SULT2B1: variants seen among roughly 807,000 people sequenced by gnomAD.
The protein encoded by SULT2B1 is sulfotransferase family 2B member 1, also known as sulfotransferase 2B1.
A neutral mutation model predicts 33.2 loss-of-function variants in SULT2B1; 16 were observed. The observed-to-expected ratio is 0.48, with a 90% CI of 0.33 to 0.73. SULT2B1 has a LOEUF of 0.73. Ranked by LOEUF, SULT2B1 falls within the 30% of genes least tolerant of loss-of-function variation. The pLI is 0.02. For synonymous variants in SULT2B1, 186 were observed against 200.5 expected, an observed-to-expected ratio of 0.93 and a Z score of 0.61; for missense variants, 500 against 506.0, an observed-to-expected ratio of 0.99 and a Z score of 0.11.
At chr19:48,591,213 T>C (rs78298080) in intron 3 of SULT2B1, 11,984 of 155,900 alleles carry the variant, frequency 0.077, 488 homozygotes, top group African/African-American at 0.085. Context: ...TGTGTGGGGC[T>C]CTGGGCTAAG....
intron 3 of SULT2B1, chr19:48,591,374 C>T: frequency 2.8e-6 from 1 of 359,450 alleles, no homozygotes. Context: ...AGGAGGCTGA[C>T]ACAGGAGAAT....
At chr19:48,592,910 G>C in intron 5 of SULT2B1, 94 bp downstream of exon 5, 1 of 1,076,886 alleles carries the variant, frequency 9.3e-7, no homozygotes, top group Non-Finnish European at 1.4e-6. Context: ...GGACCCCTCC[G>C]CTTCCCCATG....
Position 48,594,127 on chromosome 19 carries a change from G to A in SULT2B1, c.645+1311G>A, listed in dbSNP as rs558354066. ...TACAAAAAAATTAGGCGGCCATGGT[G>A]GCGGGCGCCTGTAGCCCCAGCTACT... On this transcript the variant is annotated intron_variant, in intron 5 of 6. Coordinates refer to ENST00000201586, the MANE Select transcript of SULT2B1 (RefSeq NM_177973.2). Among the ~76,000 whole-genome samples, 10 of 151,984 alleles carry A rather than the reference G, an allele frequency of 6.6e-5. No individual in the cohort carries two copies. The South Asian group carries it at 1.2e-3, about 19-fold the overall frequency.
intron 2 of SULT2B1, among the ~76,000 whole-genome samples, chr19:48,585,174 T>C (rs1973546242): frequency 1.3e-5 from 2 of 151,272 alleles, no homozygotes; most frequent in African/African-American, 2.4e-5. Context: ...ACTGCAACAG[T>C]GCACACCAGC....
At chr19:48,577,629 G>C (rs893250744) in intron 2 of SULT2B1, among the ~76,000 whole-genome samples, 16 of 152,106 alleles carry the variant, frequency 1.1e-4, no homozygotes, top group African/African-American at 3.9e-4. Flanking sequence ...CTCCCAAAGT[G>C]CTGCGATTAC....
intron 1 of SULT2B1, among the ~76,000 whole-genome samples, chr19:48,566,934 T>C (rs1443074511): frequency 6.6e-6 from 1 of 151,230 alleles, no homozygotes; most frequent in Non-Finnish European, 1.5e-5. Flanking sequence ...ACCTGGGAGG[T>C]GCTAGTTGCA....
At position 48,552,340 on chromosome 19, in the gene SULT2B1, G is replaced by C. The variant is rs1012452945; in HGVS notation, c.71+17G>C. 3 of 1,613,336 alleles carry C rather than the reference G, an allele frequency of 1.9e-6. No individual in the cohort carries two copies. In the African/African-American group the frequency reaches 4.0e-5, roughly 22 times the overall value. ...GGAAATCAGGTGAGGCCCAGACCTG[G>C]GCAGGAGCCAGGAGATCCCAGGGAG... On this transcript the variant is annotated intron_variant, in intron 1 of 6. Transcript: ENST00000201586. This position sits in a 1 kb window ranked among gnomAD's most constrained non-coding sequence, Gnocchi z 4.8.
chr19:48,563,035 C>A (rs9789261), intron 1 of SULT2B1, among the ~76,000 whole-genome samples: 1 of 151,758 alleles, frequency 6.6e-6, no homozygotes, highest in South Asian at 2.1e-4. Context: ...AAAAGTTAAG[C>A]GGGAACTTTC....
chr19:48,583,364 A>C lies in SULT2B1; in HGVS notation c.215-3865A>C, dbSNP rs562300022. Among the ~76,000 whole-genome samples the C allele has an allele frequency of 4.6e-5, 7 of 152,302 alleles. No homozygotes were observed. In the South Asian group the frequency reaches 1.5e-3, roughly 32 times the overall value. ...AATATGCCCAAAAGAACTAAATACT[A>C]GGTGGGGGCACTCTGACAGATATTT... On this transcript the variant is annotated intron_variant, in intron 2 of 6. Coordinates refer to ENST00000201586, the MANE Select transcript of SULT2B1 (RefSeq NM_177973.2).
chr19:48,570,088 TAC>T (rs1973299831), intron 1 of SULT2B1, among the ~76,000 whole-genome samples: 2 of 152,212 alleles, frequency 1.3e-5, no homozygotes, highest in East Asian at 1.9e-4. Context: ...GAGATGGAAT[TAC>T]ACAGAGTTTA....
At chr19:48,581,559 G>A (rs1433560282) in intron 2 of SULT2B1, among the ~76,000 whole-genome samples, 2 of 139,742 alleles carry the variant, frequency 1.4e-5, no homozygotes, top group Non-Finnish European at 3.0e-5. Context: ...CCAGGTTCAC[G>A]CCATTCTCCT....
Position 48,599,288 on chromosome 19 carries a change from CTGAGCCCAAGCCCAGCCT to C in SULT2B1, c.990_1007del (p.Lys330_Pro335del), listed in dbSNP as rs1973767047. ...CCAGATCCTGAGCCCAGCCCTGAGCCTGAGCCCAAGCCCAGCCTTGAGCCCAACACCAGCCTGGAGCGT... is the reference window on the plus strand; with the variant it reads ...CCAGATCCTGAGCCCAGCCCTGAGCCTGAGCCCAACACCAGCCTGGAGCGT... On this transcript the variant is annotated inframe_deletion, in exon 7 of 7. Transcript: ENST00000201586. This position sits in a 1 kb window ranked among gnomAD's most constrained non-coding sequence, Gnocchi z 4.1. 1.2e-6 allele frequency: 2 copies of C among 1,610,796 alleles called. No homozygotes were observed. Among genetic ancestry groups the C allele is most frequent in the Non-Finnish European group, 1.7e-6 (2 of 1,178,766 alleles).
chr19:48,576,359 C>CTTTTCTTTTTTTCTTT, intron 2 of SULT2B1, among the ~76,000 whole-genome samples: 1 of 96,716 alleles, frequency 1.0e-5, no homozygotes, highest in Admixed American at 1.3e-4. Context: ...CTCTACTTCT[C>CTTTTCTTTTTTTCTTT]TTTTTTTTTT....
chr19:48,596,467 G>GC, intron 5 of SULT2B1: 1 of 242,760 alleles, frequency 4.1e-6, no homozygotes, highest in African/African-American at 2.7e-5. Context: ...TGTGACCTCT[G>GC]CCCCCTGCTG....
rs1052131 is a variant in SULT2B1 at position 48,599,256 on chromosome 19, C to T, written c.948C>T (p.Asp316=). The T allele has an allele frequency of 0.14, 223,578 of 1,609,242 alleles. 17,103 individuals carry two copies. The highest frequency in any genetic ancestry group is 0.3 in the Admixed American group (17,560 of 59,218). ...CCTGGGATGAAGACCCGGAGGAGGA[C>T]GGCAGCCCAGATCCTGAGCCCAGCC... ...TFPWDEDPEE[D]GSPDPEPSPE... The change falls in exon 7 of 7, where the codon GAC becomes GAT. Residue 316 remains aspartate (D), a synonymous_variant. Coordinates refer to ENST00000201586, the MANE Select transcript of SULT2B1 (RefSeq NM_177973.2). The surrounding 1 kb of genome is among the most constrained non-coding windows in gnomAD (Gnocchi z 4.1).
intron 3 of SULT2B1, 37 bp downstream of exon 3, chr19:48,587,474 G>C: frequency 6.2e-7 from 1 of 1,608,084 alleles, no homozygotes; most frequent in Non-Finnish European, 8.5e-7. Flanking sequence ...GGGAGGGGCT[G>C]CATGGGTGTA....
intron 1 of SULT2B1, among the ~76,000 whole-genome samples, chr19:48,557,577 G>T (rs552291116): frequency 1.0e-3 from 157 of 151,842 alleles, no homozygotes; most frequent in African/African-American, 3.5e-3. Flanking sequence ...TGTTCCATGT[G>T]GTCTTGTATG....
Position 48,576,052 on chromosome 19 carries a change from C to A in SULT2B1, c.183C>A (p.Asp61Glu), listed in dbSNP as rs931741083. ...LAENTQDVRD[D>E]DIFIITYPKS... is the part of the protein sequence containing the mutation. Reference sequence around the variant, plus strand: ...AGAACACCCAAGATGTGCGGGACGACGACATCTTTATCATCACCTACCCCA... The same window carrying A: ...AGAACACCCAAGATGTGCGGGACGAAGACATCTTTATCATCACCTACCCCA... The change falls in exon 2 of 7, where the codon GAC (aspartate) becomes GAA (glutamate). Residue 61 changes from aspartate to glutamate, a missense_variant. Physicochemically the swap from Asp to Glu is conservative, Grantham distance 45. Coordinates refer to ENST00000201586, the MANE Select transcript of SULT2B1 (RefSeq NM_177973.2). The A allele has an allele frequency of 4.3e-6, 7 of 1,613,246 alleles. No homozygotes were observed. The South Asian group carries it at 7.7e-5, about 18-fold the overall frequency.
chr19:48,561,223 A>T (rs1024368733), intron 1 of SULT2B1, among the ~76,000 whole-genome samples: 9 of 151,846 alleles, frequency 5.9e-5, no homozygotes, highest in Admixed American at 5.9e-4. Flanking sequence ...TGAGGTGGGG[A>T]GTTCCAGACC....
Sources: gnomAD v4.1 joint callset for allele counts (sites outside exome capture counted in the v4.1 genomes callset) on GRCh38, gnomAD v4.1.1 for gene constraint, Gnocchi (gnomAD v3.1) non-coding constraint, MANE v1.5 for transcripts, NCBI Gene and HGNC (gene_info 2026-07-23, HGNC 2026-07-21) for gene names.